PCDH15: variants seen among roughly 807,000 people sequenced by gnomAD.
The protein encoded by PCDH15 is protocadherin-15.
PCDH15 carries 129 observed loss-of-function variants against 178.5 expected under a neutral mutation model. That is an observed-to-expected ratio of 0.72 (90% CI 0.63 to 0.84). The LOEUF (loss-of-function observed/expected upper bound fraction) is 0.84. Among genes scored for constraint, PCDH15 ranks in the 40% least tolerant of loss-of-function variants. PCDH15 has a pLI of 0.00. For missense variants in PCDH15, 2,230 were observed against 2,099.9 expected (o/e 1.06, Z -1.21); for synonymous variants, 800 against 732.0 (o/e 1.09, Z -1.50).
intron 2 of PCDH15, chr10:55,597,130 C>T (rs1477754556): frequency 6.6e-6 from 1 of 152,144 alleles, no homozygotes; most frequent in African/African-American, 2.4e-5. Flanking sequence ...GGAGCCTGAT[C>T]CCTGCGGAAT....
intron 2 of PCDH15, among the ~76,000 whole-genome samples, chr10:55,523,571 G>A (rs962965486): frequency 6.6e-6 from 1 of 151,334 alleles, no homozygotes; most frequent in African/African-American, 2.4e-5. Context: ...ATTTCACAGG[G>A]CGATAGACAT....
chr10:55,365,711 C>T (rs761909391), intron 2 of PCDH15, among the ~76,000 whole-genome samples: 9 of 152,022 alleles, frequency 5.9e-5, no homozygotes, highest in African/African-American at 1.7e-4. Flanking sequence ...TCTTGTTTGC[C>T]GCAATCTGAG....
intron 1 of PCDH15, among the ~76,000 whole-genome samples, chr10:55,257,569 G>A (rs551670540): frequency 6.6e-6 from 1 of 152,312 alleles, no homozygotes; most frequent in Admixed American, 6.5e-5. Context: ...AGAACTACCT[G>A]ACGAATACAC....
chr10:54,320,034 C>T (rs2061499843), intron 7 of PCDH15, among the ~76,000 whole-genome samples: 1 of 151,938 alleles, frequency 6.6e-6, no homozygotes. Flanking sequence ...CTTAAAAAAA[C>T]ACAAAATGTT....
intron 2 of PCDH15, among the ~76,000 whole-genome samples, chr10:55,062,550 A>T (rs1329479687): frequency 6.6e-6 from 1 of 152,218 alleles, no homozygotes; most frequent in African/African-American, 2.4e-5. Context: ...CTATGGAGAC[A>T]GTGAAATGAT....
At chr10:54,963,299 G>A (rs1164929827) in intron 2 of PCDH15, among the ~76,000 whole-genome samples, 2 of 151,380 alleles carry the variant, frequency 1.3e-5, no homozygotes, top group Non-Finnish European at 2.9e-5. Flanking sequence ...AGTGGCAAAA[G>A]AAGGATAGAA....
chr10:54,987,844 T>G (rs1358610586), intron 2 of PCDH15, among the ~76,000 whole-genome samples: 1 of 152,166 alleles, frequency 6.6e-6, no homozygotes, highest in Non-Finnish European at 1.5e-5. Context: ...ATTCTTTTGC[T>G]GTGCAGAAGC....
chr10:55,372,314 A>G (rs940293833), intron 2 of PCDH15, among the ~76,000 whole-genome samples: 1 of 151,772 alleles, frequency 6.6e-6, no homozygotes, highest in Non-Finnish European at 1.5e-5. Flanking sequence ...ACACCCACCC[A>G]TATGGCAGGC....
intron 3 of PCDH15, among the ~76,000 whole-genome samples, chr10:54,423,821 C>T (rs1281379316): frequency 6.6e-6 from 1 of 151,876 alleles, no homozygotes; most frequent in Non-Finnish European, 1.5e-5. Context: ...ATGTAGAAAG[C>T]TGAAACTGGA....
intron 30 of PCDH15, among the ~76,000 whole-genome samples, chr10:53,829,261 C>A (rs1345889710): frequency 6.7e-6 from 1 of 148,836 alleles, no homozygotes; most frequent in Non-Finnish European, 1.5e-5. Context: ...TAACTAAATT[C>A]ATATGGTATT....
chr10:54,629,288 T>A (rs1243155902), intron 2 of PCDH15, among the ~76,000 whole-genome samples: 1 of 152,094 alleles, frequency 6.6e-6, no homozygotes, highest in Non-Finnish European at 1.5e-5. Context: ...TTTATAGAAG[T>A]ATTTTTAAAA....
chr10:54,804,194 C>T (rs1952736999), upstream of PCDH15, among the ~76,000 whole-genome samples: 1 of 152,162 alleles, frequency 6.6e-6, no homozygotes, highest in African/African-American at 2.4e-5. Context: ...CGCCCACCAC[C>T]ACGCCCAGCT....
At chr10:54,909,329 C>T (rs1954779496) in intron 2 of PCDH15, among the ~76,000 whole-genome samples, 1 of 152,116 alleles carries the variant, frequency 6.6e-6, no homozygotes, top group African/African-American at 2.4e-5. Flanking sequence ...TTATTAATGC[C>T]AAGGGGTGCC....
intron 21 of PCDH15, among the ~76,000 whole-genome samples, chr10:53,979,677 A>T (rs2090465553): frequency 6.6e-6 from 1 of 152,228 alleles, no homozygotes; most frequent in South Asian, 2.1e-4. Flanking sequence ...GAGAGACAAA[A>T]TGTACACATA....
intron 15 of PCDH15, among the ~76,000 whole-genome samples, chr10:54,118,725 C>T (rs575938750): frequency 3.0e-3 from 458 of 151,166 alleles, no homozygotes; most frequent in Non-Finnish European, 4.2e-3. Context: ...AATACTTAAA[C>T]TAAAAACTAA....
chr10:54,107,972 A>T (rs2094947243), intron 15 of PCDH15, among the ~76,000 whole-genome samples: 1 of 152,134 alleles, frequency 6.6e-6, no homozygotes, highest in Non-Finnish European at 1.5e-5. Flanking sequence ...AAGCCCAAAG[A>T]TGGTTACAAG....
chr10:54,209,830 T>C (rs1306758600), intron 10 of PCDH15, among the ~76,000 whole-genome samples: 1 of 152,116 alleles, frequency 6.6e-6, no homozygotes, highest in African/African-American at 2.4e-5. Context: ...TTCTATGAAG[T>C]AAAATATGAT....
chr10:54,503,670 G>A (rs2080919832), intron 3 of PCDH15, among the ~76,000 whole-genome samples: 6 of 151,714 alleles, frequency 4.0e-5, no homozygotes, highest in Admixed American at 4.0e-4. Flanking sequence ...TAAATCATCA[G>A]GCTGGCAAAA....
At chr10:54,459,107 C>CAG (rs974380366) in intron 3 of PCDH15, among the ~76,000 whole-genome samples, 2 of 151,656 alleles carry the variant, frequency 1.3e-5, no homozygotes, top group African/African-American at 4.8e-5. Context: ...GCTAAAATGA[C>CAG]AGAGAGAGAG....
Sources: gnomAD v4.1 joint callset for allele counts (sites outside exome capture counted in the v4.1 genomes callset) on GRCh38, gnomAD v4.1.1 for gene constraint, MANE v1.5 for transcripts, NCBI Gene and HGNC (gene_info 2026-07-23, HGNC 2026-07-21) for gene names.